Variants in EYS observed in about 807,000 individuals in gnomAD.
EYS encodes the protein protein eyes shut homolog.
In EYS, 250 loss-of-function variants were observed where a neutral mutation model predicts 282.1. The observed-to-expected ratio is 0.89, with a 90% confidence interval of 0.80 to 0.98. The LOEUF (loss-of-function observed/expected upper bound fraction) is 0.98, where lower values mean the gene tolerates loss of function less well. EYS is among the 50% of genes least tolerant of loss of function. The pLI is 0.00. For missense variants in EYS, 4,016 were observed against 3,709.0 expected, an observed-to-expected ratio of 1.08 and a Z score of -2.15; for synonymous variants, 1,355 against 1,282.9, an observed-to-expected ratio of 1.06 and a Z score of -1.20.
At chr6:64,332,442 C>A (rs762439619) in intron 29 of EYS, among the ~76,000 whole-genome samples, 4 of 152,194 alleles carry the variant, frequency 2.6e-5, no homozygotes, top group Non-Finnish European at 5.9e-5. Flanking sequence ...CTGTCTGGGT[C>A]AAATGATGGA....
At chr6:65,596,366 T>C (rs1002598665) in intron 2 of EYS, among the ~76,000 whole-genome samples, 1 of 152,130 alleles carries the variant, frequency 6.6e-6, no homozygotes, top group Non-Finnish European at 1.5e-5. Flanking sequence ...ATGTGATATA[T>C]GTGAATTCAT....
At chr6:64,637,506 A>C (rs1768023196) in intron 22 of EYS, among the ~76,000 whole-genome samples, 1 of 87,996 alleles carries the variant, frequency 1.1e-5, no homozygotes, top group Non-Finnish European at 2.4e-5. Flanking sequence ...TGACGAGTTA[A>C]TGGGTGCAGC....
chr6:64,459,860 C>T (rs567294196), intron 26 of EYS, among the ~76,000 whole-genome samples: 7 of 151,982 alleles, frequency 4.6e-5, no homozygotes, highest in African/African-American at 1.7e-4. Flanking sequence ...CTCATAGACA[C>T]ACCCAAGAAC....
chr6:64,465,677 A>G (rs1157589294), intron 26 of EYS, among the ~76,000 whole-genome samples: 3 of 152,008 alleles, frequency 2.0e-5, no homozygotes, highest in African/African-American at 4.8e-5. Context: ...AGTTCATGAC[A>G]TTGGTCTGAG....
rs115714785 is a variant in EYS, at chr6:64,079,130, G to A, written c.6571+2726C>T. ...GTTTTTCTTTTGTTTACTCTGCAAT[G>A]TACTATTACTTCCAAATTTCATGGT... On this transcript the variant is annotated intron_variant, in intron 32 of 42. Coordinates refer to ENST00000503581, the MANE Select transcript of EYS (RefSeq NM_001142800.2). 6.8e-3 allele frequency among the ~76,000 whole-genome samples: 1,038 copies of A among 152,102 alleles called. 12 individuals carry two copies. Among genetic ancestry groups the A allele is most frequent in the African/African-American group, 0.023 (960 of 41,508 alleles).
At chr6:65,604,171 C>T (rs1330317682) in intron 2 of EYS, among the ~76,000 whole-genome samples, 2 of 151,904 alleles carry the variant, frequency 1.3e-5, no homozygotes, top group African/African-American at 2.4e-5. Context: ...TTGATTAATA[C>T]TCATGAACAA....
At chr6:65,154,926 T>A (rs1425848712) in intron 12 of EYS, among the ~76,000 whole-genome samples, 1 of 151,578 alleles carries the variant, frequency 6.6e-6, no homozygotes, top group Non-Finnish European at 1.5e-5. Flanking sequence ...ACAATATTAG[T>A]TTTTTATATT....
chr6:63,743,492 T>C (rs571818692), intron 41 of EYS, among the ~76,000 whole-genome samples: 1 of 152,300 alleles, frequency 6.6e-6, no homozygotes, highest in African/African-American at 2.4e-5. Flanking sequence ...CATTTAAGAC[T>C]TAGAAGTTTC....
intron 5 of EYS, among the ~76,000 whole-genome samples, chr6:65,460,013 T>C (rs1434002097): frequency 7.3e-6 from 1 of 137,752 alleles, no homozygotes; most frequent in Non-Finnish European, 1.6e-5. Flanking sequence ...TATATAATTT[T>C]ATTGTATGTA....
chr6:65,318,025 G>T (rs1231795428), intron 11 of EYS, among the ~76,000 whole-genome samples: 1 of 149,502 alleles, frequency 6.7e-6, no homozygotes, highest in Non-Finnish European at 1.5e-5. Flanking sequence ...CCGCCACCAC[G>T]CCCAGCTAAT....
intron 30 of EYS, among the ~76,000 whole-genome samples, chr6:64,238,505 T>C (rs1476129374): frequency 6.6e-6 from 1 of 152,096 alleles, no homozygotes; most frequent in Non-Finnish European, 1.5e-5. Context: ...ATTGTACATT[T>C]TACTCTAATA....
At chr6:64,315,502 G>A (rs960364338) in intron 29 of EYS, among the ~76,000 whole-genome samples, 4 of 148,254 alleles carry the variant, frequency 2.7e-5, no homozygotes, top group African/African-American at 5.0e-5. Flanking sequence ...TATGAACGTC[G>A]ATGAGAAAAT....
At chr6:65,007,301 TC>T (rs1561917259) in intron 13 of EYS, among the ~76,000 whole-genome samples, 1 of 151,886 alleles carries the variant, frequency 6.6e-6, no homozygotes, top group East Asian at 1.9e-4. Context: ...GGGAAACATT[TC>T]CCCCAAGGCA....
intron 12 of EYS, among the ~76,000 whole-genome samples, chr6:65,232,825 C>T (rs1205978003): frequency 6.6e-6 from 1 of 152,030 alleles, no homozygotes; most frequent in East Asian, 1.9e-4. Flanking sequence ...CATAATAACC[C>T]TCAAGGTTCT....
chr6:65,498,490 T>C (rs139847454), intron 2 of EYS, among the ~76,000 whole-genome samples: 6 of 152,114 alleles, frequency 3.9e-5, no homozygotes, highest in African/African-American at 1.4e-4. Flanking sequence ...TATGTGACAT[T>C]TTTAGACTGA....
chr6:64,889,088 G>T (rs528889669), intron 18 of EYS, among the ~76,000 whole-genome samples: 3 of 151,694 alleles, frequency 2.0e-5, no homozygotes, highest in South Asian at 2.1e-4. Context: ...GTGATATCTT[G>T]CTTTTTCAGT....
chr6:64,696,421 G>A (rs1770581358), intron 22 of EYS, among the ~76,000 whole-genome samples: 1 of 152,132 alleles, frequency 6.6e-6, no homozygotes, highest in African/African-American at 2.4e-5. Flanking sequence ...GAGAAGAAAT[G>A]AAACATCTGG....
intron 19 of EYS, among the ~76,000 whole-genome samples, chr6:64,867,717 G>A (rs1451217025): frequency 6.6e-6 from 1 of 151,640 alleles, no homozygotes; most frequent in African/African-American, 2.4e-5. Flanking sequence ...TGAATTTTCT[G>A]TAATATTGAT....
At chr6:64,606,237 T>C (rs1766932582) in intron 24 of EYS, among the ~76,000 whole-genome samples, 1 of 151,992 alleles carries the variant, frequency 6.6e-6, no homozygotes, top group Non-Finnish European at 1.5e-5. Flanking sequence ...CCTCACATCT[T>C]TCCATTCACA....
Sources: gnomAD v4.1 joint callset for allele counts (sites outside exome capture counted in the v4.1 genomes callset) on GRCh38, gnomAD v4.1.1 for gene constraint, MANE v1.5 for transcripts, NCBI Gene and HGNC (gene_info 2026-07-23, HGNC 2026-07-21) for gene names.